RAI1: variants seen among roughly 807,000 people sequenced by gnomAD.
RAI1 encodes retinoic acid-induced protein 1.
A neutral mutation model predicts 123.8 loss-of-function variants in RAI1; 9 were observed. The observed-to-expected ratio is 0.07, with a 90% CI of 0.04 to 0.13. The LOEUF is 0.13. Among genes scored for constraint, RAI1 ranks in the 10% least tolerant of loss-of-function variants. The pLI is 1.00. For synonymous variants in RAI1, 1,231 were observed against 1,127.3 expected (o/e 1.09, Z -1.84); for missense variants, 2,256 against 2,545.8 (o/e 0.89, Z 2.45).
chr17:17,785,102 T>C (rs973151075), intron 2 of RAI1, among the ~76,000 whole-genome samples: 1 of 152,184 alleles, frequency 6.6e-6, no homozygotes, highest in African/African-American at 2.4e-5. Flanking sequence ...ATGTGCTGTT[T>C]CCTGTGTGTC....
At chr17:17,738,340 C>T (rs1214862843) in intron 2 of RAI1, among the ~76,000 whole-genome samples, 1 of 128,672 alleles carries the variant, frequency 7.8e-6, no homozygotes, top group Non-Finnish European at 1.6e-5. Flanking sequence ...GGCGGGCTGG[C>T]TGGCGGCAGG....
chr17:17,684,870 G>T (rs910506239), intron 1 of RAI1: 9 of 151,992 alleles, frequency 5.9e-5, no homozygotes, highest in African/African-American at 2.2e-4. Flanking sequence ...GTTCTGGGTT[G>T]ACTCCTGGCT....
At chr17:17,726,187 A>G (rs906203696) in intron 2 of RAI1, among the ~76,000 whole-genome samples, 1 of 152,164 alleles carries the variant, frequency 6.6e-6, no homozygotes, top group Non-Finnish European at 1.5e-5. Flanking sequence ...AGCCAGGGCC[A>G]TCGGAAACTG....
chr17:17,699,818 C>T (rs563001112), intron 1 of RAI1, among the ~76,000 whole-genome samples: 313 of 152,338 alleles, frequency 2.1e-3, no homozygotes, highest in African/African-American at 7.4e-3. Context: ...CATCCCCCAC[C>T]ACTCCACCCC....
intron 2 of RAI1, among the ~76,000 whole-genome samples, chr17:17,766,721 C>CGGCACT (rs1430696989): frequency 6.6e-6 from 1 of 152,212 alleles, no homozygotes; most frequent in Non-Finnish European, 1.5e-5. Context: ...GCACAGGCGG[C>CGGCACT]GGCACTGTTA....
intron 1 of RAI1, among the ~76,000 whole-genome samples, chr17:17,713,509 T>TA (rs1915626417): frequency 6.6e-6 from 1 of 152,080 alleles, no homozygotes; most frequent in Non-Finnish European, 1.5e-5. Context: ...GGCGTGGTGA[T>TA]ACACGCCTGT....
chr17:17,792,167 G>A (rs536896585), intron 2 of RAI1, among the ~76,000 whole-genome samples: 1 of 152,320 alleles, frequency 6.6e-6, no homozygotes, highest in South Asian at 2.1e-4. Context: ...AAAACAGGAG[G>A]CAGGTGCTGC....
At chr17:17,728,859 C>G (rs1052297385) in intron 2 of RAI1, among the ~76,000 whole-genome samples, 7 of 152,190 alleles carry the variant, frequency 4.6e-5, no homozygotes, top group Non-Finnish European at 1.0e-4. Context: ...CTTCATAGCT[C>G]CTAGCTGCCC....
At chr17:17,736,658 G>A (rs535741625) in intron 2 of RAI1, among the ~76,000 whole-genome samples, 3 of 152,322 alleles carry the variant, frequency 2.0e-5, no homozygotes, top group South Asian at 4.1e-4. Context: ...GGATGAGGAC[G>A]TTTCTAGAGA....
chr17:17,694,989 G>A (rs1344300482), intron 1 of RAI1, among the ~76,000 whole-genome samples: 4 of 152,164 alleles, frequency 2.6e-5, no homozygotes, highest in African/African-American at 9.6e-5. Flanking sequence ...GATGTTTGGG[G>A]ATAATGAAAG....
intron 1 of RAI1, among the ~76,000 whole-genome samples, chr17:17,697,775 G>A (rs1915086924): frequency 6.6e-6 from 1 of 152,206 alleles, no homozygotes; most frequent in East Asian, 1.9e-4. Flanking sequence ...TTGTGTGTGT[G>A]TCTGATTTGG....
intron 3 of RAI1, among the ~76,000 whole-genome samples, 174 bp from the exon 4 acceptor site, chr17:17,803,582 C>T (rs1392613260): frequency 6.6e-6 from 1 of 152,098 alleles, no homozygotes; most frequent in African/African-American, 2.4e-5. Context: ...GAGACAGTTT[C>T]ACCATGTTGC....
intron 4 of RAI1, among the ~76,000 whole-genome samples, chr17:17,806,076 G>A (rs1802044398): frequency 6.6e-6 from 1 of 152,250 alleles, no homozygotes; most frequent in Admixed American, 6.5e-5. Flanking sequence ...CCCTTGAGTG[G>A]GACGGACAGC....
At chr17:17,754,506 G>T (rs375813706) in intron 2 of RAI1, among the ~76,000 whole-genome samples, 284 of 152,302 alleles carry the variant, frequency 1.9e-3, no homozygotes, top group African/African-American at 6.8e-3. Context: ...AAAGTGCTGG[G>T]ATTATAGGCA....
chr17:17,799,543 T>C lies in RAI1; in HGVS notation c.5565+1030T>C, dbSNP rs1386640954. On this transcript the variant is annotated intron_variant, in intron 3 of 5. Transcript: ENST00000353383. This position sits in a 1 kb window ranked among gnomAD's most constrained non-coding sequence, Gnocchi z 4.5. ...ACTTCCGTGGAGTGACGCTCCCGGC[T>C]CTCAGCGCTGTGTGGTGGCTCTCAG... 6.6e-6 allele frequency among the ~76,000 whole-genome samples: 1 copy of C among 152,116 alleles called. No homozygotes were observed. The highest frequency in any genetic ancestry group is 1.5e-5 in the Non-Finnish European group (1 of 68,004).
Position 17,754,362 on chromosome 17 carries a change from G to A in RAI1, c.-17+30203G>A, listed in dbSNP as rs146020246. Among the ~76,000 whole-genome samples the A allele has an allele frequency of 6.3e-3, 958 of 151,986 alleles. 7 individuals carry two copies. The highest frequency in any genetic ancestry group is 0.011 in the Non-Finnish European group (719 of 67,936). ...AGCAACTCTCCTGCCTCAGCCTCCC[G>A]AGTAGCTGGGATTACAGGCATGCGC... is the stretch of plus-strand genomic sequence containing the variant. On this transcript the variant is annotated intron_variant, in intron 2 of 5. Coordinates refer to ENST00000353383, the MANE Select transcript of RAI1 (RefSeq NM_030665.4).
At chr17:17,782,418 G>T (rs1322443870) in intron 2 of RAI1, among the ~76,000 whole-genome samples, 1 of 151,766 alleles carries the variant, frequency 6.6e-6, no homozygotes, top group Non-Finnish European at 1.5e-5. Flanking sequence ...CCTCCGCCGG[G>T]CGGGGTGCCC....
chr17:17,702,364 A>G (rs1339525906), intron 1 of RAI1, among the ~76,000 whole-genome samples: 2 of 152,210 alleles, frequency 1.3e-5, no homozygotes, highest in Non-Finnish European at 2.9e-5. Flanking sequence ...GATGCAGCCT[A>G]TTATCTTCAG....
At chr17:17,779,131 G>C (rs887305206) in intron 2 of RAI1, 2 of 348,024 alleles carry the variant, frequency 5.7e-6, no homozygotes, top group East Asian at 1.5e-4. Flanking sequence ...TCAGACACAA[G>C]ACAAGGCATC....
Sources: allele counts gnomAD v4.1 joint callset (sites outside exome capture counted in the v4.1 genomes callset), GRCh38; gene constraint gnomAD v4.1.1; non-coding constraint Gnocchi (gnomAD v3.1); transcripts MANE v1.5; gene names NCBI Gene and HGNC (gene_info 2026-07-23, HGNC 2026-07-21).